Variants in RALGPS1 observed in about 807,000 individuals in gnomAD.
The protein encoded by RALGPS1 is ras-specific guanine nucleotide-releasing factor RalGPS1.
A neutral mutation model predicts 78.8 loss-of-function variants in RALGPS1; 19 were observed. The ratio of observed to expected loss-of-function variants is 0.24; its 90% CI spans 0.17 to 0.35. The LOEUF is 0.35. Ranked by LOEUF, RALGPS1 falls within the 10% of genes least tolerant of loss-of-function variation. The probability of loss-of-function intolerance (pLI) is 1.00; values close to 1 mark genes in which losing one functional copy is unlikely to be tolerated. For synonymous variants in RALGPS1, 228 were observed against 256.3 expected (o/e 0.89, Z 1.06); for missense variants, 454 against 688.3 (o/e 0.66, Z 3.81).
At chr9:127,130,645 A>G (rs2056939877) in intron 8 of RALGPS1, among the ~76,000 whole-genome samples, 1 of 152,244 alleles carries the variant, frequency 6.6e-6, no homozygotes, top group Non-Finnish European at 1.5e-5. Flanking sequence ...CAGTGCATGT[A>G]TTGACATCCA....
chr9:127,134,070 A>T (rs2057223679), intron 8 of RALGPS1, among the ~76,000 whole-genome samples: 1 of 151,880 alleles, frequency 6.6e-6, no homozygotes, highest in Admixed American at 6.6e-5. Context: ...GAAAGAAAAT[A>T]TTCACGGCCG....
intron 4 of RALGPS1, among the ~76,000 whole-genome samples, chr9:127,006,820 C>T (rs2043876143): frequency 6.6e-6 from 1 of 152,048 alleles, no homozygotes; most frequent in South Asian, 2.1e-4. Context: ...TCTGTTGTGC[C>T]AGGGTACAGC....
rs1400042971 is a variant in RALGPS1, at chr9:127,105,442, C to T, written c.610+36086C>T. Among the ~76,000 whole-genome samples, 5 of 152,322 alleles carry T rather than the reference C, an allele frequency of 3.3e-5. No individual in the cohort carries two copies. In the South Asian group the frequency reaches 8.3e-4, roughly 25 times the overall value. On this transcript the variant is annotated intron_variant, in intron 8 of 18. Transcript: ENST00000259351. ...GTGCCCCTGGGCCCTTGCACAGACT[C>T]ATCTCCATCAGGGACCCACTAGTCA...
chr9:127,081,782 C>G (rs1345815398), intron 8 of RALGPS1, among the ~76,000 whole-genome samples: 1 of 152,224 alleles, frequency 6.6e-6, no homozygotes, highest in African/African-American at 2.4e-5. Context: ...CTTGACCAGC[C>G]CTTGGAGCTG....
At chr9:127,029,487 T>TG (rs751890612) in intron 4 of RALGPS1, among the ~76,000 whole-genome samples, 6 of 151,920 alleles carry the variant, frequency 3.9e-5, no homozygotes, top group Non-Finnish European at 5.9e-5. Context: ...GGGAGAAACA[T>TG]GGAGGGAGGA....
intron 1 of RALGPS1, among the ~76,000 whole-genome samples, chr9:126,924,859 C>G (rs368570252): frequency 3.3e-5 from 5 of 152,376 alleles, no homozygotes; most frequent in East Asian, 1.9e-4. Flanking sequence ...GGCGTGGTGG[C>G]TGACGCCTGT....
chr9:127,190,958 A>G lies in RALGPS1; in HGVS notation c.911-4133A>G, dbSNP rs370056610. Among the ~76,000 whole-genome samples the G allele has an allele frequency of 2.6e-5, 4 of 151,682 alleles. No homozygotes were observed. In the East Asian group the frequency reaches 7.7e-4, roughly 29 times the overall value. ...TTGTAATAAAAAGATATCTCCTTTT[A>G]CTCTCATTTGCATTTCCATTATTAC... On this transcript the variant is annotated intron_variant, in intron 11 of 18. Coordinates refer to ENST00000259351, the MANE Select transcript of RALGPS1 (RefSeq NM_014636.3).
chr9:127,100,571 G>A (rs1194714813), intron 8 of RALGPS1, among the ~76,000 whole-genome samples: 1 of 152,202 alleles, frequency 6.6e-6, no homozygotes, highest in Non-Finnish European at 1.5e-5. Flanking sequence ...TGGCTCCCTG[G>A]GGGCAGTGGC....
At chr9:127,192,590 C>T (rs1329393935) in intron 11 of RALGPS1, among the ~76,000 whole-genome samples, 3 of 151,856 alleles carry the variant, frequency 2.0e-5, no homozygotes, top group Non-Finnish European at 4.4e-5. Flanking sequence ...CCGGGGAGGT[C>T]GAGGCTGCAG....
chr9:127,013,684 G>A (rs2044561269), intron 4 of RALGPS1, among the ~76,000 whole-genome samples: 1 of 152,160 alleles, frequency 6.6e-6, no homozygotes. Flanking sequence ...AGCCTCTTCA[G>A]CATCTCCAGT....
rs2056222455 is a variant in RALGPS1 at position 127,122,501 on chromosome 9, G to T, written c.611-43568G>T. ...GGGCTCCGGCAGAGGCTGGGGCCAG[G>T]GCTGGCCAGGGGTCCTGCGGGGCTG... On this transcript the variant is annotated intron_variant, in intron 8 of 18. Transcript: ENST00000259351. The surrounding 1 kb of genome is among the most constrained non-coding windows in gnomAD (Gnocchi z 6.4). 1 of 152,730 alleles carries T rather than the reference G, an allele frequency of 6.5e-6. No individual in the cohort carries two copies. The highest frequency in any genetic ancestry group is 2.4e-5 in the African/African-American group (1 of 41,456). 9.5% of individuals were successfully genotyped at this position (152,730 alleles called of 1,614,324 possible). A position where few individuals can be genotyped will look rare whatever the true frequency, so the allele number is the denominator to read the frequency against.
At chr9:127,087,435 A>G (rs1266852026) in intron 8 of RALGPS1, 1 of 152,634 alleles carries the variant, frequency 6.6e-6, no homozygotes, top group Non-Finnish European at 1.5e-5. Context: ...TTTTATATAC[A>G]CAAAACATGC....
intron 8 of RALGPS1, among the ~76,000 whole-genome samples, chr9:127,115,517 A>G (rs2055313045): frequency 6.6e-6 from 1 of 152,246 alleles, no homozygotes; most frequent in Non-Finnish European, 1.5e-5. Flanking sequence ...ATTTGGCAGT[A>G]GAGGAAACCC....
intron 1 of RALGPS1, among the ~76,000 whole-genome samples, chr9:126,932,745 A>G (rs1301490799): frequency 2.6e-5 from 4 of 152,250 alleles, no homozygotes; most frequent in African/African-American, 9.6e-5. Flanking sequence ...TTATAAAAAC[A>G]TTTTTATAAA....
At chr9:127,185,163 G>A (rs186438958) in intron 11 of RALGPS1, among the ~76,000 whole-genome samples, 21 of 152,210 alleles carry the variant, frequency 1.4e-4, no homozygotes, top group Non-Finnish European at 2.8e-4. Flanking sequence ...CCCAGCCTGT[G>A]GTGTCAAGTC....
In RALGPS1 at chr9:127,198,927, G is replaced by A. The variant is rs1052201001; in HGVS notation, c.1196-88G>A. 5.7e-5 allele frequency: 68 copies of A among 1,192,122 alleles called. No individual in the cohort carries two copies. The African/African-American group carries it at 9.1e-4, about 16-fold the overall frequency. The allele number at this position is 1,192,122 out of a possible 1,614,324, so 73.8% of individuals were successfully genotyped here. On this transcript the variant is annotated intron_variant, in intron 13 of 18. Coordinates refer to ENST00000259351, the MANE Select transcript of RALGPS1 (RefSeq NM_014636.3). ...AGCAGTTTCTGTGGCACTTCTGTGA[G>A]CTCAGGGGGCCTGGGCTCGGTGACC...
chr9:127,021,615 TTTC>T (rs1268742740), intron 4 of RALGPS1, among the ~76,000 whole-genome samples: 101 of 148,646 alleles, frequency 6.8e-4, no homozygotes, highest in African/African-American at 8.7e-4. Context: ...AAGAAAAGTT[TTTC>T]TTCTTCTTCT....
chr9:127,082,832 A>G (rs2051308959), intron 8 of RALGPS1, among the ~76,000 whole-genome samples: 1 of 152,150 alleles, frequency 6.6e-6, no homozygotes, highest in Admixed American at 6.5e-5. Context: ...TATTAGTGCT[A>G]TCCACATGAA....
At chr9:127,150,615 G>A (rs2058362641) in intron 8 of RALGPS1, among the ~76,000 whole-genome samples, 1 of 152,206 alleles carries the variant, frequency 6.6e-6, no homozygotes, top group African/African-American at 2.4e-5. Flanking sequence ...CGTGCTCAGG[G>A]AGTTGGCATG....
Sources: allele counts gnomAD v4.1 joint callset (sites outside exome capture counted in the v4.1 genomes callset), GRCh38; gene constraint gnomAD v4.1.1; non-coding constraint Gnocchi (gnomAD v3.1); transcripts MANE v1.5; gene names NCBI Gene and HGNC (gene_info 2026-07-23, HGNC 2026-07-21).